Variants in KYAT1 observed in about 807,000 individuals in gnomAD.
KYAT1 encodes kynurenine aminotransferase 1, also known as kynurenine--oxoglutarate transaminase 1.
KYAT1 carries 47 observed loss-of-function variants against 52.4 expected under a neutral mutation model. That is an observed-to-expected ratio of 0.90 (90% CI 0.71 to 1.14). The LOEUF (loss-of-function observed/expected upper bound fraction) is 1.14, where lower values mean the gene tolerates loss of function less well. KYAT1 is among the 50% of genes most tolerant of loss of function. The pLI is 0.00. For synonymous variants in KYAT1, 212 were observed against 209.6 expected (o/e 1.01, Z -0.10); for missense variants, 480 against 557.9 (o/e 0.86, Z 1.41).
chr9:128,878,647 G>A (rs1284040622), intron 1 of KYAT1, among the ~76,000 whole-genome samples: 3 of 152,184 alleles, frequency 2.0e-5, no homozygotes, highest in Admixed American at 2.0e-4. Flanking sequence ...GCGTCACTCA[G>A]ACACAGTCCC....
intron 1 of KYAT1, among the ~76,000 whole-genome samples, chr9:128,870,413 T>G (rs998554172): frequency 1.3e-5 from 2 of 152,188 alleles, no homozygotes; most frequent in Admixed American, 1.3e-4. Flanking sequence ...TTTGGAAGGC[T>G]GACGTGGGAG....
At chr9:128,853,048 C>G (rs1834144235) in intron 1 of KYAT1, among the ~76,000 whole-genome samples, 1 of 152,204 alleles carries the variant, frequency 6.6e-6, no homozygotes, top group African/African-American at 2.4e-5. Flanking sequence ...ACAACTAAGA[C>G]TTTTACATTG....
In KYAT1 at chr9:128,836,117, G is replaced by C. The variant is rs752062583; in HGVS notation, c.689-44C>G. 24 of 1,589,230 alleles carry C rather than the reference G, an allele frequency of 1.5e-5. No homozygotes were observed. The South Asian group carries it at 2.3e-4, about 15-fold the overall frequency. Reference sequence around the variant, plus strand: ...AACAGCTGCTGAGACTGGGGTGAGGGGGACGGGGGAGGATGGTGGTCTGGG... The same window carrying C: ...AACAGCTGCTGAGACTGGGGTGAGGCGGACGGGGGAGGATGGTGGTCTGGG... On this transcript the variant is annotated intron_variant, in intron 7 of 12. Transcript: ENST00000302586.
rs1340444455 is a variant in KYAT1, at chr9:128,876,765, C to CA, written c.-7+5131dup. Reference sequence around the variant, plus strand: ...GATAGAGCCTCTCTCTTCACTCTGTCACCCAGGCTGGAGTGCAGTGGCACA... The same window carrying CA: ...GATAGAGCCTCTCTCTTCACTCTGTCAACCCAGGCTGGAGTGCAGTGGCACA... On this transcript the variant is annotated intron_variant, in intron 1 of 12. Coordinates refer to ENST00000302586, the MANE Select transcript of KYAT1 (RefSeq NM_004059.5). 3.4e-5 allele frequency among the ~76,000 whole-genome samples: 5 copies of CA among 148,318 alleles called. No individual in the cohort carries two copies. In the East Asian group the frequency reaches 1.0e-3, roughly 30 times the overall value.
intron 1 of KYAT1, among the ~76,000 whole-genome samples, chr9:128,859,253 C>T (rs530282092): frequency 1.3e-4 from 19 of 151,878 alleles, no homozygotes; most frequent in African/African-American, 3.1e-4. Flanking sequence ...CCCAGCTACT[C>T]GGGAGGCTGA....
In KYAT1 at chr9:128,836,044, G is replaced by C. The variant is rs373929509; in HGVS notation, c.718C>G (p.Leu240Val). The C allele has an allele frequency of 1.2e-6, 2 of 1,613,886 alleles. No individual in the cohort carries two copies. Among genetic ancestry groups the C allele is most frequent in the Non-Finnish European group, 1.7e-6 (2 of 1,179,912 alleles). The change falls in exon 8 of 13, where the codon CTG becomes GTG. Residue 240 changes from leucine to valine, a missense_variant. Transcript: ENST00000302586. Reference sequence around the variant, plus strand: ...GTCTTGCCGGCGCTGCCGATGGTCAGGGTCCGTTCCCACATGCCAGGGAGG... The same window carrying C: ...GTCTTGCCGGCGCTGCCGATGGTCACGGTCCGTTCCCACATGCCAGGGAGG... ...ASLPGMWERTLTIGSAGKTFS... is the reference protein window; with the variant it reads ...ASLPGMWERTVTIGSAGKTFS...
At chr9:128,837,012 G>A (rs919444922) in intron 6 of KYAT1, 90 bp from the exon 7 acceptor site, 18 of 1,501,490 alleles carry the variant, frequency 1.2e-5, no homozygotes, top group Admixed American at 5.9e-5. Flanking sequence ...ACACAGCTGC[G>A]GCCAGGTGCG....
Position 128,868,936 on chromosome 9 carries a change from C to A in KYAT1, c.-7+12961G>T, listed in dbSNP as rs146223308. Among the ~76,000 whole-genome samples the A allele has an allele frequency of 4.5e-3, 691 of 152,044 alleles. 2 individuals carry two copies. Among genetic ancestry groups the A allele is most frequent in the African/African-American group, 0.015 (616 of 41,470 alleles). On this transcript the variant is annotated intron_variant, in intron 1 of 12. Transcript: ENST00000302586. ...GGCCAGGATGGTCTCGATCTCCTGA[C>A]CTCATGATCTGCCCACCTTGGCCTC... is the stretch of plus-strand genomic sequence containing the variant.
In KYAT1 at chr9:128,833,291, C is replaced by T. The variant is rs1446963777; in HGVS notation, c.*293G>A. 3 of 548,678 alleles carry T rather than the reference C, an allele frequency of 5.5e-6. No homozygotes were observed. Among genetic ancestry groups the T allele is most frequent in the East Asian group, 3.2e-5 (1 of 31,652 alleles). 34.0% of individuals were successfully genotyped at this position (548,678 alleles called of 1,614,324 possible). A position where few individuals can be genotyped will look rare whatever the true frequency, so the allele number is the denominator to read the frequency against. ...CGGTACATGGTGGAAGTCTACCGTCCGTCTCAGCCAAGCCTGGAGAGACCA... is the reference window on the plus strand; with the variant it reads ...CGGTACATGGTGGAAGTCTACCGTCTGTCTCAGCCAAGCCTGGAGAGACCA... On this transcript the variant is annotated 3_prime_UTR_variant, in exon 13 of 13. Coordinates refer to ENST00000302586, the MANE Select transcript of KYAT1 (RefSeq NM_004059.5).
chr9:128,838,450 T>C, intron 3 of KYAT1, 83 bp from the exon 4 acceptor site: 1 of 1,548,754 alleles, frequency 6.5e-7, no homozygotes, highest in Non-Finnish European at 8.8e-7. Context: ...TTCTAGCACC[T>C]TCCAGCAGCA....
intron 1 of KYAT1, among the ~76,000 whole-genome samples, chr9:128,878,997 A>G (rs1313657195): frequency 1.3e-5 from 2 of 152,208 alleles, no homozygotes; most frequent in Admixed American, 1.3e-4. Context: ...GAATGAGGGC[A>G]TAGGATGAGC....
intron 1 of KYAT1, among the ~76,000 whole-genome samples, chr9:128,874,008 C>T (rs1837611791): frequency 6.7e-6 from 1 of 150,366 alleles, no homozygotes; most frequent in South Asian, 2.1e-4. Context: ...GTAACCCCAG[C>T]ACTTTGGGAA....
chr9:128,853,355 T>C (rs574129426), intron 1 of KYAT1, among the ~76,000 whole-genome samples: 4 of 152,268 alleles, frequency 2.6e-5, no homozygotes, highest in East Asian at 1.9e-4. Context: ...GTTCCAGCAA[T>C]GGAAAAGTGG....
chr9:128,835,967 G>A (rs1589618016), intron 8 of KYAT1, 30 bp downstream of exon 8: 2 of 1,603,010 alleles, frequency 1.2e-6, no homozygotes, highest in African/African-American at 1.3e-5. Context: ...TCTTGCAGGG[G>A]GTGGTGACCT....
upstream of KYAT1, chr9:128,882,074 A>T (rs1588184236): frequency 6.6e-6 from 1 of 152,220 alleles, no homozygotes; most frequent in South Asian, 2.1e-4. Context: ...AAAGATGGCG[A>T]CGCCCTGGCC....
rs192149315 is a variant in KYAT1, at chr9:128,876,489, C to T, written c.-7+5408G>A. ...CTGGAGTGCAGTGGCGTGATCTCAG[C>T]TAACTGGAAGCTCCACCTCCCGGGT... On this transcript the variant is annotated intron_variant, in intron 1 of 12. Coordinates refer to ENST00000302586, the MANE Select transcript of KYAT1 (RefSeq NM_004059.5). Among the ~76,000 whole-genome samples, 495 of 149,592 alleles carry T rather than the reference C, an allele frequency of 3.3e-3. 3 individuals carry two copies. Among genetic ancestry groups the T allele is most frequent in the African/African-American group, 0.012 (484 of 40,712 alleles).
rs200701038 is a variant in KYAT1 at position 128,835,349 on chromosome 9, A to G, written c.1096T>C (p.Phe366Leu). 8.1e-6 allele frequency: 13 copies of G among 1,613,898 alleles called. No homozygotes were observed. In the South Asian group the frequency reaches 9.9e-5, roughly 12 times the overall value. The part of the protein sequence containing the change: ...GAVDEPYDRR[F>L]VKWMIKNKGL... ...TTGTTCTTGATCATCCACTTGACGA[A>G]GCGTCTGTCATAGGGCTCATCCACA... The change falls in exon 11 of 13, where the codon TTC (phenylalanine) becomes CTC (leucine). Residue 366 changes from phenylalanine (F) to leucine (L), a missense_variant. By Grantham distance (22) the Phe-to-Leu change is conservative. Coordinates refer to ENST00000302586, the MANE Select transcript of KYAT1 (RefSeq NM_004059.5).
At chr9:128,847,355 C>T (rs1433263508) in intron 1 of KYAT1, 1 of 970,058 alleles carries the variant, frequency 1.0e-6, no homozygotes, top group South Asian at 1.5e-5. Flanking sequence ...TCATGCACAG[C>T]TTTGAAGCCA....
At chr9:128,875,883 A>T (rs116438748) in intron 1 of KYAT1, among the ~76,000 whole-genome samples, 3,101 of 152,230 alleles carry the variant, frequency 0.02, 113 homozygotes, top group African/African-American at 0.071. Flanking sequence ...ACCCGAAGGC[A>T]GTGGATGACC....
Sources: allele counts gnomAD v4.1 joint callset (sites outside exome capture counted in the v4.1 genomes callset), GRCh38; gene constraint gnomAD v4.1.1; transcripts MANE v1.5; gene names NCBI Gene and HGNC (gene_info 2026-07-23, HGNC 2026-07-21).